The following AUTS2 variants were observed in gnomAD, a reference collection of about 807,000 sequenced individuals.
The protein encoded by AUTS2 is autism susceptibility gene 2 protein.
A neutral mutation model predicts 112.4 loss-of-function variants in AUTS2; 17 were observed. The ratio of observed to expected loss-of-function variants is 0.15; its 90% CI spans 0.10 to 0.23. The LOEUF (loss-of-function observed/expected upper bound fraction) is 0.23. Among genes scored for constraint, AUTS2 ranks in the 10% least tolerant of loss-of-function variants. AUTS2 has a pLI of 1.00. For synonymous variants in AUTS2, 751 were observed against 702.7 expected (o/e 1.07, Z -1.09); for missense variants, 1,510 against 1,701.6 (o/e 0.89, Z 1.98).
Position 69,599,896 on chromosome 7 carries a change from C to T in AUTS2, c.243C>T (p.Thr81=). The change falls in exon 1 of 19, where the codon ACC becomes ACT. Residue 81 remains threonine, a synonymous_variant. Coordinates refer to ENST00000342771, the MANE Select transcript of AUTS2 (RefSeq NM_015570.4). This position sits in a 1 kb window ranked among gnomAD's most constrained non-coding sequence, Gnocchi z 7.0. ...CGCGGAGGAAGCGGAGAGAGTCCAC[C>T]TCGGCAGAAGAGGACATCATTGATG... The part of the protein sequence containing the change: ...RPPRRKRRES[T]SAEEDIIDGF... The T allele has an allele frequency of 1.9e-6, 3 of 1,613,590 alleles. No homozygotes were observed. The highest frequency in any genetic ancestry group is 1.1e-5 in the South Asian group (1 of 91,088).
chr7:69,658,064 C>T (rs961612634), intron 1 of AUTS2, among the ~76,000 whole-genome samples: 7 of 152,164 alleles, frequency 4.6e-5, no homozygotes, highest in Non-Finnish European at 7.3e-5. Context: ...TTTCATGCCA[C>T]GTGAAAATTA....
chr7:70,737,815 T>G (rs1481059098), intron 6 of AUTS2, among the ~76,000 whole-genome samples: 1 of 152,188 alleles, frequency 6.6e-6, no homozygotes, highest in Non-Finnish European at 1.5e-5. Context: ...GCTTCATAGG[T>G]AACCTTGAAA....
chr7:70,186,060 A>G (rs1258658801), intron 4 of AUTS2, among the ~76,000 whole-genome samples: 1 of 152,206 alleles, frequency 6.6e-6, no homozygotes, highest in Non-Finnish European at 1.5e-5. Context: ...ACCAATCAGA[A>G]TGATATTTTG....
At chr7:70,389,810 C>G (rs1242797004) in intron 4 of AUTS2, among the ~76,000 whole-genome samples, 1 of 152,028 alleles carries the variant, frequency 6.6e-6, no homozygotes, top group African/African-American at 2.4e-5. Context: ...TGGCTGGTAC[C>G]AGTGAAAGAC....
At chr7:69,744,317 ATATC>A (rs1182852674) in intron 1 of AUTS2, among the ~76,000 whole-genome samples, 1 of 152,102 alleles carries the variant, frequency 6.6e-6, no homozygotes, top group Non-Finnish European at 1.5e-5. Flanking sequence ...TTTTGAGTAA[ATATC>A]TAGGAGTAGA....
chr7:70,760,222 G>A (rs891549379), intron 6 of AUTS2, among the ~76,000 whole-genome samples: 2 of 152,174 alleles, frequency 1.3e-5, no homozygotes, highest in African/African-American at 4.8e-5. Context: ...AGCCAGGATG[G>A]TCTCGATCTC....
chr7:69,607,106 T>C (rs1792772784), intron 1 of AUTS2, among the ~76,000 whole-genome samples: 1 of 152,238 alleles, frequency 6.6e-6, no homozygotes, highest in Non-Finnish European at 1.5e-5. Context: ...AGAATTTGAC[T>C]GCCCCTGCTT....
chr7:69,952,708 G>T (rs1797072720), intron 2 of AUTS2, among the ~76,000 whole-genome samples: 1 of 152,026 alleles, frequency 6.6e-6, no homozygotes, highest in Non-Finnish European at 1.5e-5. Context: ...AACACCCAAG[G>T]GACACAACAG....
chr7:69,946,749 A>G (rs1237925053), intron 2 of AUTS2, among the ~76,000 whole-genome samples: 1 of 152,230 alleles, frequency 6.6e-6, no homozygotes, highest in African/African-American at 2.4e-5. Context: ...TTATCCATTC[A>G]TCAGTTGATG....
At chr7:70,660,438 G>A (rs1045409116) in intron 5 of AUTS2, among the ~76,000 whole-genome samples, 2 of 152,316 alleles carry the variant, frequency 1.3e-5, no homozygotes, top group Middle Eastern at 3.4e-3. Context: ...CAAAGTGAGC[G>A]TAGATTTGGA....
At chr7:70,051,585 G>C (rs1267665182) in intron 2 of AUTS2, among the ~76,000 whole-genome samples, 3 of 152,018 alleles carry the variant, frequency 2.0e-5, no homozygotes, top group African/African-American at 2.4e-5. Context: ...CAGGCGTGGT[G>C]GTGGGCACCT....
chr7:70,080,714 A>T (rs966624592), intron 2 of AUTS2, among the ~76,000 whole-genome samples: 5 of 152,190 alleles, frequency 3.3e-5, no homozygotes, highest in African/African-American at 1.2e-4. Flanking sequence ...GGTAGTGATG[A>T]TCTTGTGTAA....
intron 1 of AUTS2, among the ~76,000 whole-genome samples, chr7:69,793,307 T>C (rs1333541478): frequency 6.6e-6 from 1 of 152,232 alleles, no homozygotes; most frequent in Non-Finnish European, 1.5e-5. Context: ...GCAAAGTATA[T>C]AAAAGCAGCA....
At chr7:69,946,393 T>C (rs563232585) in intron 2 of AUTS2, among the ~76,000 whole-genome samples, 20 of 152,284 alleles carry the variant, frequency 1.3e-4, no homozygotes, top group African/African-American at 4.6e-4. Flanking sequence ...CCGTAGGCTT[T>C]ATCAAATCTG....
In AUTS2 at chr7:70,793,481, T is replaced by G. The variant is rs944189852; in HGVS notation, c.*2485T>G. On this transcript the variant is annotated 3_prime_UTR_variant, in exon 19 of 19. Coordinates refer to ENST00000342771, the MANE Select transcript of AUTS2 (RefSeq NM_015570.4). The stretch of plus-strand genomic sequence containing the variant: ...CCATGATGTTAAAAAAACAAAAAAA[T>G]GTTAAATTTTCTTATACCGACCTGA... 2 of 152,136 alleles carry G rather than the reference T, an allele frequency of 1.3e-5. No homozygotes were observed. Among genetic ancestry groups the G allele is most frequent in the Non-Finnish European group, 2.9e-5 (2 of 68,030 alleles). The allele number at this position is 152,136 out of a possible 1,614,324, so 9.4% of individuals were successfully genotyped here.
At chr7:70,337,817 A>G (rs1450686732) in intron 4 of AUTS2, among the ~76,000 whole-genome samples, 1 of 152,314 alleles carries the variant, frequency 6.6e-6, no homozygotes, top group Non-Finnish European at 1.5e-5. Context: ...GTTGTCTATC[A>G]TTGCCATGAG....
Position 70,751,011 on chromosome 7 carries a change from G to A in AUTS2, c.743-11859G>A, listed in dbSNP as rs1446746315. On this transcript the variant is annotated intron_variant, in intron 6 of 18. Coordinates refer to ENST00000342771, the MANE Select transcript of AUTS2 (RefSeq NM_015570.4). ...CTTTTTAAGAGTGTGAAAGTTATTA[G>A]CTAAATGACTTGTTCCATGGCCCCA... Among the ~76,000 whole-genome samples, 8 of 152,176 alleles carry A rather than the reference G, an allele frequency of 5.3e-5. No homozygotes were observed. The East Asian group carries it at 1.5e-3, about 29-fold the overall frequency.
chr7:69,724,575 ATCAGGAT>A (rs1360832040), intron 1 of AUTS2, among the ~76,000 whole-genome samples: 1 of 152,246 alleles, frequency 6.6e-6, no homozygotes, highest in East Asian at 1.9e-4. Context: ...TTACTGTAGC[ATCAGGAT>A]TCAAGGTTAC....
intron 2 of AUTS2, among the ~76,000 whole-genome samples, chr7:70,108,832 C>A (rs1209594751): frequency 6.9e-6 from 1 of 144,246 alleles, no homozygotes; most frequent in Non-Finnish European, 1.5e-5. Context: ...GGATGGTACT[C>A]AGGAGGCTGA....
Sources: allele counts gnomAD v4.1 joint callset (sites outside exome capture counted in the v4.1 genomes callset), GRCh38; gene constraint gnomAD v4.1.1; non-coding constraint Gnocchi (gnomAD v3.1); transcripts MANE v1.5; gene names NCBI Gene and HGNC (gene_info 2026-07-23, HGNC 2026-07-21).